Variants in ADGRL3 observed in about 807,000 individuals in gnomAD.
ADGRL3 encodes calcium-independent alpha-latrotoxin receptor 3.
In ADGRL3, 62 loss-of-function variants were observed where a neutral mutation model predicts 153.5. That is an observed-to-expected ratio of 0.40 (90% CI 0.33 to 0.50). ADGRL3 has a LOEUF of 0.50. Among genes scored for constraint, ADGRL3 ranks in the 20% least tolerant of loss-of-function variants. The pLI, the probability that ADGRL3 is intolerant of heterozygous loss-of-function variation, is 0.47. For synonymous variants in ADGRL3, 710 were observed against 672.5 expected (o/e 1.06, Z -0.86); for missense variants, 1,641 against 1,859.4 (o/e 0.88, Z 2.16).
chr4:61,663,534 G>A (rs147445810), intron 5 of ADGRL3, among the ~76,000 whole-genome samples: 8 of 152,122 alleles, frequency 5.3e-5, no homozygotes, highest in Non-Finnish European at 8.8e-5. Flanking sequence ...ACCACTCTGC[G>A]CCTGGCTCAC....
At chr4:61,475,683 C>G (rs1285168190) in intron 2 of ADGRL3, among the ~76,000 whole-genome samples, 1 of 152,062 alleles carries the variant, frequency 6.6e-6, no homozygotes. Flanking sequence ...TGTGACTATA[C>G]AGATTCCTTA....
At chr4:62,033,237 T>G (rs897030739) in intron 23 of ADGRL3, among the ~76,000 whole-genome samples, 56 of 151,598 alleles carry the variant, frequency 3.7e-4, no homozygotes, top group African/African-American at 1.3e-3. Flanking sequence ...TTGAAAGTGG[T>G]TCACATGGCT....
intron 8 of ADGRL3, among the ~76,000 whole-genome samples, chr4:61,789,088 A>C (rs2097310285): frequency 6.6e-6 from 1 of 152,156 alleles, no homozygotes; most frequent in Non-Finnish European, 1.5e-5. Flanking sequence ...CATAAAATAA[A>C]CAGATGAACT....
At chr4:61,441,480 T>C (rs2097527538) in intron 2 of ADGRL3, among the ~76,000 whole-genome samples, 1 of 150,958 alleles carries the variant, frequency 6.6e-6, no homozygotes, top group African/African-American at 2.4e-5. Flanking sequence ...CTTTCCTTGT[T>C]GTAGCTCTCT....
At position 61,411,936 on chromosome 4, in the gene ADGRL3, T is replaced by C. The variant is rs115969624; in HGVS notation, c.-174+28747T>C. 4.2e-3 allele frequency among the ~76,000 whole-genome samples: 642 copies of C among 152,348 alleles called. 4 individuals are homozygous for C. Among genetic ancestry groups the C allele is most frequent in the Non-Finnish European group, 7.6e-3 (519 of 68,044 alleles). On this transcript the variant is annotated intron_variant, in intron 2 of 26. Coordinates refer to ENST00000683033, the MANE Select transcript of ADGRL3 (RefSeq NM_001387552.1). ...CACTAAGTTTTTGAAACTTTTCTTC[T>C]TGTTTAGATGAAAAGTTAACAATGT...
At chr4:61,575,862 C>T (rs1255774555) in intron 4 of ADGRL3, among the ~76,000 whole-genome samples, 1 of 151,900 alleles carries the variant, frequency 6.6e-6, no homozygotes, top group Non-Finnish European at 1.5e-5. Flanking sequence ...CTGTGTGGCC[C>T]TGAAAAATGT....
At chr4:61,428,378 C>T (rs2097308055) in intron 2 of ADGRL3, among the ~76,000 whole-genome samples, 1 of 152,144 alleles carries the variant, frequency 6.6e-6, no homozygotes, top group South Asian at 2.1e-4. Context: ...CATGCTATGC[C>T]AGATGTTTAC....
chr4:61,817,144 T>C, intron 9 of ADGRL3, among the ~76,000 whole-genome samples: 1 of 138,760 alleles, frequency 7.2e-6, no homozygotes, highest in African/African-American at 2.9e-5. Flanking sequence ...GGCACAGGTC[T>C]GCAGACCCCC....
At chr4:61,431,068 A>T (rs1289512101) in intron 2 of ADGRL3, among the ~76,000 whole-genome samples, 2 of 152,176 alleles carry the variant, frequency 1.3e-5, no homozygotes, top group African/African-American at 4.8e-5. Context: ...CTAGAGTAAG[A>T]TAGATAGTTG....
intron 4 of ADGRL3, among the ~76,000 whole-genome samples, chr4:61,524,388 C>A (rs1579328937): frequency 6.6e-6 from 1 of 151,846 alleles, no homozygotes; most frequent in African/African-American, 2.4e-5. Flanking sequence ...CTAACTTATT[C>A]TTTCTTTCAT....
chr4:61,998,348 T>C lies in ADGRL3; in HGVS notation c.3395+83T>C, dbSNP rs529318285. 113 of 659,012 alleles carry C rather than the reference T, an allele frequency of 1.7e-4. No homozygotes were observed. The South Asian group carries it at 2.9e-3, about 17-fold the overall frequency. 40.8% of individuals were successfully genotyped at this position (659,012 alleles called of 1,614,324 possible). On this transcript the variant is annotated intron_variant, in intron 21 of 26. Transcript: ENST00000683033. ...TCCTTTCTATTATATCAAAATCTTATGACAAAAGGATAAAGAATATGGGTG... is the reference window on the plus strand; with the variant it reads ...TCCTTTCTATTATATCAAAATCTTACGACAAAAGGATAAAGAATATGGGTG...
chr4:61,951,266 A>G (rs1340492693), intron 17 of ADGRL3, among the ~76,000 whole-genome samples: 1 of 152,130 alleles, frequency 6.6e-6, no homozygotes, highest in African/African-American at 2.4e-5. Flanking sequence ...AAGACACACA[A>G]TCTGAACTTA....
chr4:61,731,180 G>A (rs186073146), intron 7 of ADGRL3, among the ~76,000 whole-genome samples: 1 of 151,836 alleles, frequency 6.6e-6, no homozygotes, highest in Non-Finnish European at 1.5e-5. Flanking sequence ...ATTGATGATG[G>A]CCCTCTATCC....
At chr4:61,338,599 C>G (rs1048577865) in intron 1 of ADGRL3, among the ~76,000 whole-genome samples, 1 of 152,138 alleles carries the variant, frequency 6.6e-6, no homozygotes, top group African/African-American at 2.4e-5. Flanking sequence ...GAGTGAGACT[C>G]TGCTCACAAA....
rs142721290 is a variant in ADGRL3 at position 61,418,018 on chromosome 4, C to A, written c.-174+34829C>A. Among the ~76,000 whole-genome samples, 1,018 of 152,212 alleles carry A rather than the reference C, an allele frequency of 6.7e-3. 13 individuals carry two copies. Among genetic ancestry groups the A allele is most frequent in the African/African-American group, 0.023 (956 of 41,528 alleles). ...ACAAGGGGAGGAGAGGCTTCTGTGG[C>A]TGCAAAGAACTCTTTTTCTACTGTC... is the stretch of plus-strand genomic sequence containing the variant. On this transcript the variant is annotated intron_variant, in intron 2 of 26. Transcript: ENST00000683033.
chr4:62,047,946 T>C (rs938410755), intron 25 of ADGRL3, among the ~76,000 whole-genome samples: 15 of 152,150 alleles, frequency 9.9e-5, no homozygotes, highest in African/African-American at 3.6e-4. Flanking sequence ...ATAGAGAGTT[T>C]CAACAAAGAT....
At chr4:61,568,780 C>A (rs1048266499) in intron 4 of ADGRL3, among the ~76,000 whole-genome samples, 1 of 152,120 alleles carries the variant, frequency 6.6e-6, no homozygotes, top group Non-Finnish European at 1.5e-5. Flanking sequence ...AAAGCATGAT[C>A]ATGGTTCTCC....
chr4:61,892,539 C>G, intron 9 of ADGRL3, 117 bp from the exon 10 acceptor site: 1 of 735,254 alleles, frequency 1.4e-6, no homozygotes, highest in Non-Finnish European at 2.3e-6. Flanking sequence ...TTGAAGACTT[C>G]TAGAGCTTTA....
At chr4:61,700,724 A>G (rs886989069) in intron 6 of ADGRL3, among the ~76,000 whole-genome samples, 2 of 152,200 alleles carry the variant, frequency 1.3e-5, no homozygotes, top group Non-Finnish European at 2.9e-5. Flanking sequence ...ATGAAAATCA[A>G]GAAATGTTTA....
Sources: allele counts gnomAD v4.1 joint callset (sites outside exome capture counted in the v4.1 genomes callset), GRCh38; gene constraint gnomAD v4.1.1; transcripts MANE v1.5; gene names NCBI Gene and HGNC (gene_info 2026-07-23, HGNC 2026-07-21).